Variants in DNAH5 observed in about 807,000 individuals in gnomAD.
The protein encoded by DNAH5 is dynein axonemal heavy chain 5, also known as axonemal beta dynein heavy chain 5.
DNAH5 carries 372 observed loss-of-function variants against 518.2 expected under a neutral mutation model. That is an observed-to-expected ratio of 0.72 (90% CI 0.66 to 0.78). The LOEUF is 0.78. DNAH5 is among the 30% of genes least tolerant of loss of function. DNAH5 has a pLI of 0.00. For missense variants in DNAH5, 5,523 were observed against 5,687.0 expected (o/e 0.97, Z 0.93); for synonymous variants, 2,039 against 2,025.9 (o/e 1.01, Z -0.17).
chr5:13,713,410 C>T (rs1373701975), intron 75 of DNAH5, among the ~76,000 whole-genome samples: 3 of 89,104 alleles, frequency 3.4e-5, no homozygotes, highest in Admixed American at 1.4e-4. Flanking sequence ...TATATATACA[C>T]CGACATATAT....
intron 59 of DNAH5, among the ~76,000 whole-genome samples, chr5:13,764,377 AT>A (rs1752219342): frequency 6.6e-6 from 1 of 152,204 alleles, no homozygotes; most frequent in East Asian, 1.9e-4. Flanking sequence ...AATTAGTCAT[AT>A]TTTACATATA....
chr5:13,809,035 A>G lies in DNAH5; in HGVS notation c.7752+9T>C. The G allele has an allele frequency of 6.2e-7, 1 of 1,614,068 alleles. No individual in the cohort carries two copies. The highest frequency in any genetic ancestry group is 8.5e-7 in the Non-Finnish European group (1 of 1,179,924). On this transcript the variant is annotated intron_variant, in intron 46 of 78. Coordinates refer to ENST00000265104, the MANE Select transcript of DNAH5 (RefSeq NM_001369.3). Reference sequence around the variant, plus strand: ...ATATGCTACAGTTAATAAAAATTAAAAGTCATACCTTGCCCTGTTTAGCAA... The same window carrying G: ...ATATGCTACAGTTAATAAAAATTAAGAGTCATACCTTGCCCTGTTTAGCAA...
rs1579971091 is a variant in DNAH5, at chr5:13,735,682, T to C, written c.11570+136A>G. ...CAAATCAGAATGATTTGTTAACACA[T>C]TGGTAATTACACTGATCTGAGATTT... On this transcript the variant is annotated intron_variant, in intron 67 of 78. Transcript: ENST00000265104. 1.0e-5 allele frequency: 8 copies of C among 783,664 alleles called. No homozygotes were observed. The East Asian group carries it at 2.1e-4, about 20-fold the overall frequency. 48.5% of individuals were successfully genotyped at this position (783,664 alleles called of 1,614,324 possible).
chr5:13,868,469 A>C (rs753036264), intron 24 of DNAH5, among the ~76,000 whole-genome samples: 3 of 152,194 alleles, frequency 2.0e-5, no homozygotes, highest in Non-Finnish European at 4.4e-5. Context: ...AGGATTCTTG[A>C]ATCAGAGCCT....
intron 76 of DNAH5, among the ~76,000 whole-genome samples, chr5:13,706,271 TCCCCCTCCTTC>T (rs1276004401): frequency 6.6e-6 from 1 of 152,202 alleles, no homozygotes; most frequent in Non-Finnish European, 1.5e-5. Flanking sequence ...TGTCTTGATT[TCCCCCTCCTTC>T]CAACCTTTAG....
chr5:13,753,742 C>G (rs1333365356), intron 62 of DNAH5, among the ~76,000 whole-genome samples, 193 bp from the exon 63 acceptor site: 1 of 152,076 alleles, frequency 6.6e-6, no homozygotes, highest in Non-Finnish European at 1.5e-5. Flanking sequence ...GTCCAAGTGG[C>G]CTACCAAGTG....
chr5:13,900,610 T>G (rs1243027085), intron 14 of DNAH5, 198 bp from the exon 15 acceptor site: 2 of 608,920 alleles, frequency 3.3e-6, no homozygotes, highest in Non-Finnish European at 5.8e-6. Flanking sequence ...GTGTTGATGT[T>G]GGGCAGTCAA....
chr5:13,917,239 A>T lies in DNAH5; in HGVS notation c.993T>A (p.Asp331Glu). Residue 331 changes from aspartate (D) to glutamate (E), a missense_variant, in exon 8 of 79, where the codon GAT becomes GAA. Transcript: ENST00000265104. ...SKLLKTWREMDIRITDATNEA... is the reference protein window; with the variant it reads ...SKLLKTWREMEIRITDATNEA... ...CATTAGTTGCATCAGTGATTCGAATATCCATCTCCCGCCAAGTCTAAGCAC... is the reference window on the plus strand; with the variant it reads ...CATTAGTTGCATCAGTGATTCGAATTTCCATCTCCCGCCAAGTCTAAGCAC... 6.2e-7 allele frequency: 1 copy of T among 1,613,866 alleles called. No individual in the cohort carries two copies. Among genetic ancestry groups the T allele is most frequent in the Non-Finnish European group, 8.5e-7 (1 of 1,179,868 alleles).
chr5:13,701,143 T>A, intron 77 of DNAH5, 141 bp downstream of exon 77: 2 of 1,150,662 alleles, frequency 1.7e-6, no homozygotes, highest in Non-Finnish European at 2.6e-6. Context: ...TGGCTGGGAT[T>A]TATGTACATG....
At position 13,743,859 on chromosome 5, in the gene DNAH5, G is replaced by A. The variant is rs75106619; in HGVS notation, c.11212-6364C>T. Among the ~76,000 whole-genome samples the A allele has an allele frequency of 3.4e-4, 51 of 152,180 alleles. No homozygotes were observed. In the East Asian group the frequency reaches 8.9e-3, roughly 26 times the overall value. On this transcript the variant is annotated intron_variant, in intron 65 of 78. Transcript: ENST00000265104. The stretch of plus-strand genomic sequence containing the variant: ...AGGGAACTGTTAAACACTGTGTGTG[G>A]GAATGTAAACTAGAACAACCACTAT...
chr5:13,692,922 C>T (rs1740891829), intron 78 of DNAH5, among the ~76,000 whole-genome samples: 3 of 152,090 alleles, frequency 2.0e-5, no homozygotes, highest in Admixed American at 6.6e-5. Flanking sequence ...TCATGAGGGC[C>T]CTCTTTAAGA....
At chr5:13,717,249 G>A (rs1238228160) in intron 73 of DNAH5, 66 bp downstream of exon 73, 2 of 1,415,134 alleles carry the variant, frequency 1.4e-6, no homozygotes, top group South Asian at 1.2e-5. Flanking sequence ...AAGCTAGGAG[G>A]TCCCGTGAGC....
intron 27 of DNAH5, 22 bp downstream of exon 27, chr5:13,865,646 T>C: frequency 2.8e-6 from 4 of 1,404,000 alleles, no homozygotes. Flanking sequence ...TTGCTGGGCA[T>C]GCTAAACATT....
rs1270494671 is a variant in DNAH5 at position 13,811,832 on chromosome 5, TCA to T, written c.7231-11_7231-10del. On this transcript the variant is annotated splice_polypyrimidine_tract_variant and intron_variant, in intron 43 of 78. Transcript: ENST00000265104. ...CGTTTCTTAAGAAAACCCTGTCAGTTCACAGACAAGTGTATTCATGAAACTTA... is the reference window on the plus strand; with the variant it reads ...CGTTTCTTAAGAAAACCCTGTCAGTTCAGACAAGTGTATTCATGAAACTTA... 6.2e-7 allele frequency: 1 copy of T among 1,613,934 alleles called. No homozygotes were observed. Among genetic ancestry groups the T allele is most frequent in the Admixed American group, 1.7e-5 (1 of 60,022 alleles).
chr5:13,726,467 A>C (rs1014368318), intron 70 of DNAH5, among the ~76,000 whole-genome samples: 5 of 152,256 alleles, frequency 3.3e-5, no homozygotes, highest in Non-Finnish European at 7.3e-5. Context: ...AGAGTTACTT[A>C]AATTTCAGCA....
intron 1 of DNAH5, among the ~76,000 whole-genome samples, chr5:13,952,406 G>A (rs1780486022): frequency 7.2e-5 from 11 of 152,190 alleles, no homozygotes. Context: ...GGCTCAGGGA[G>A]ACATCAAAGG....
chr5:13,973,782 G>T (rs1056440673), intron 1 of DNAH5, among the ~76,000 whole-genome samples: 1 of 151,186 alleles, frequency 6.6e-6, no homozygotes, highest in South Asian at 2.1e-4. Context: ...TAAACAGAAG[G>T]CTCTCGTGTG....
chr5:13,967,085 C>T (rs1581064817), intron 1 of DNAH5, among the ~76,000 whole-genome samples: 2 of 152,308 alleles, frequency 1.3e-5, no homozygotes, highest in East Asian at 1.9e-4. Context: ...TGGTCTCAAA[C>T]TCCTCACCTC....
rs1769226944 is a variant in DNAH5 at position 13,866,231 on chromosome 5, T to A, written c.4105A>T (p.Ile1369Phe). Residue 1369 changes from isoleucine to phenylalanine, a missense_variant, in exon 26 of 79, where the codon ATC (isoleucine) becomes TTC (phenylalanine). Transcript: ENST00000265104. ...LKPQEASDRLIMFQNQFDNIY... is the reference protein window; with the variant it reads ...LKPQEASDRLFMFQNQFDNIY... The stretch of plus-strand genomic sequence containing the variant: ...ACTAAAAAGATTACCTGAAACATGA[T>A]AAGCCTGTCACTGGCTTCCTGGGGC... The A allele has an allele frequency of 6.2e-7, 1 of 1,613,532 alleles. No individual in the cohort carries two copies.
Sources: gnomAD v4.1 joint callset for allele counts (sites outside exome capture counted in the v4.1 genomes callset) on GRCh38, gnomAD v4.1.1 for gene constraint, MANE v1.5 for transcripts, NCBI Gene and HGNC (gene_info 2026-07-23, HGNC 2026-07-21) for gene names.